The following SORL1 variants were observed in gnomAD, a reference collection of about 807,000 sequenced individuals.
SORL1 encodes sortilin related receptor 1.
In SORL1, 127 loss-of-function variants were observed where a neutral mutation model predicts 273.7. That is an observed-to-expected ratio of 0.46 (90% CI 0.40 to 0.54). The LOEUF is 0.54. Ranked by LOEUF, SORL1 falls within the 20% of genes least tolerant of loss-of-function variation. The probability of loss-of-function intolerance (pLI) is 0.00; values close to 1 mark genes in which losing one functional copy is unlikely to be tolerated. For synonymous variants in SORL1, 1,031 were observed against 1,067.4 expected, an observed-to-expected ratio of 0.97 and a Z score of 0.66; for missense variants, 2,494 against 2,846.1, an observed-to-expected ratio of 0.88 and a Z score of 2.81.
At chr11:121,586,705 C>T (rs117553325) in intron 27 of SORL1, among the ~76,000 whole-genome samples, 1 of 102,130 alleles carries the variant, frequency 9.8e-6, no homozygotes, top group Non-Finnish European at 1.9e-5. Context: ...GGGGGGGGGG[C>T]GGGGGGGGGG....
chr11:121,602,430 C>T (rs1863407269), intron 32 of SORL1, among the ~76,000 whole-genome samples: 1 of 152,228 alleles, frequency 6.6e-6, no homozygotes, highest in African/African-American at 2.4e-5. Flanking sequence ...CAGTGGAGAA[C>T]ACTTGTCAGA....
chr11:121,555,890 G>A (rs1291474710), intron 18 of SORL1, among the ~76,000 whole-genome samples: 1 of 152,154 alleles, frequency 6.6e-6, no homozygotes, highest in Non-Finnish European at 1.5e-5. Context: ...GGAATGTAGT[G>A]TGCTCAGCTC....
chr11:121,474,880 TG>T (rs943022212), intron 2 of SORL1, among the ~76,000 whole-genome samples: 7 of 152,242 alleles, frequency 4.6e-5, no homozygotes, highest in Non-Finnish European at 7.3e-5. Flanking sequence ...CTGTTCAATG[TG>T]GGGGAAGATA....
chr11:121,624,176 A>G (rs1325596171), intron 45 of SORL1, among the ~76,000 whole-genome samples: 3 of 152,242 alleles, frequency 2.0e-5, no homozygotes, highest in Non-Finnish European at 2.9e-5. Flanking sequence ...GCTAGAATTC[A>G]AGATGAGATT....
In SORL1 at chr11:121,586,326, T is replaced by C. The variant is rs763707983; in HGVS notation, c.3811T>C (p.Cys1271Arg). ...CTCTGATGGCTCCGATGAACAGCAC[T>C]GCGGTGAGTTCATTCCTTGCCCCCA... ...DCSDGSDEQH[C>R]EPLCTHFMDF... Residue 1271 changes from cysteine to arginine, a missense_variant, in exon 27 of 48, where the codon TGC (cysteine) becomes CGC (arginine). Cys to Arg is a radical substitution (Grantham distance 180). Transcript: ENST00000260197. The C allele has an allele frequency of 6.2e-7, 1 of 1,610,736 alleles. No individual in the cohort carries two copies. Among genetic ancestry groups the C allele is most frequent in the South Asian group, 1.1e-5 (1 of 91,026 alleles).
chr11:121,453,707 G>A (rs1860852799), intron 1 of SORL1, among the ~76,000 whole-genome samples: 1 of 152,222 alleles, frequency 6.6e-6, no homozygotes, highest in South Asian at 2.1e-4. Context: ...TTGGATCCAG[G>A]ACGAACCTTG....
intron 16 of SORL1, among the ~76,000 whole-genome samples, chr11:121,551,962 A>T (rs1211274584): frequency 6.6e-6 from 1 of 152,212 alleles, no homozygotes; most frequent in Non-Finnish European, 1.5e-5. Flanking sequence ...GAGGGGCTGG[A>T]GTGCCTACTT....
At chr11:121,551,645 C>T (rs1459834790) in intron 16 of SORL1, among the ~76,000 whole-genome samples, 2 of 152,134 alleles carry the variant, frequency 1.3e-5, no homozygotes, top group Admixed American at 6.5e-5. Context: ...TGGTGTCTTA[C>T]GTGGACAGCC....
chr11:121,538,521 C>T (rs1322620929), intron 12 of SORL1, among the ~76,000 whole-genome samples: 3 of 152,118 alleles, frequency 2.0e-5, no homozygotes, highest in Non-Finnish European at 4.4e-5. Context: ...AACTAAAATA[C>T]CTGAGATCCT....
At chr11:121,598,365 G>T (rs1863331635) in intron 32 of SORL1, among the ~76,000 whole-genome samples, 1 of 152,150 alleles carries the variant, frequency 6.6e-6, no homozygotes, top group Admixed American at 6.5e-5. Flanking sequence ...AAGAATGAGG[G>T]TTTTCCCCAG....
At chr11:121,592,520 A>G (rs1228593000) in intron 31 of SORL1, among the ~76,000 whole-genome samples, 2 of 152,156 alleles carry the variant, frequency 1.3e-5, no homozygotes, top group Admixed American at 6.5e-5. Flanking sequence ...AATGATTTCC[A>G]TCTCTTTTCC....
At chr11:121,587,690 G>A (rs1012520033) in intron 27 of SORL1, among the ~76,000 whole-genome samples, 2 of 152,156 alleles carry the variant, frequency 1.3e-5, no homozygotes, top group African/African-American at 4.8e-5. Flanking sequence ...GAGATTGGGG[G>A]TTTGATGCCA....
Position 121,563,702 on chromosome 11 carries a change from C to T in SORL1, c.3050-3238C>T, listed in dbSNP as rs770852212. Among the ~76,000 whole-genome samples the T allele has an allele frequency of 3.9e-5, 6 of 152,170 alleles. No homozygotes were observed. Among genetic ancestry groups the T allele is most frequent in the Admixed American group, 1.3e-4 (2 of 15,278 alleles). Reference sequence around the variant, plus strand: ...GTGAGCCACTGTGTCTGGCCACTAGCTGGTTTTTAAATGGTATAACTGGAA... The same window carrying T: ...GTGAGCCACTGTGTCTGGCCACTAGTTGGTTTTTAAATGGTATAACTGGAA... On this transcript the variant is annotated intron_variant, in intron 21 of 47. Transcript: ENST00000260197. The surrounding 1 kb of genome is among the most constrained non-coding windows in gnomAD (Gnocchi z 4.2).
Position 121,625,213 on chromosome 11 carries a change from A to G in SORL1, c.6300A>G (p.Arg2100=). The change falls in exon 46 of 48, where the codon AGA becomes AGG. Residue 2100 remains arginine (R), a synonymous_variant. Transcript: ENST00000260197. ...ATTACACGTTCACCGTCCAAGCAAG[A>G]TGCCTTTTTGGCAACCAGATCTGTG... is the stretch of plus-strand genomic sequence containing the variant. The part of the protein sequence containing the change: ...GHNYTFTVQA[R]CLFGNQICGE... The G allele has an allele frequency of 6.2e-7, 1 of 1,614,140 alleles. No homozygotes were observed. The highest frequency in any genetic ancestry group is 8.5e-7 in the Non-Finnish European group (1 of 1,180,010).
At chr11:121,559,757 C>CTT in intron 21 of SORL1, 100 bp downstream of exon 21, 1 of 1,073,908 alleles carries the variant, frequency 9.3e-7, no homozygotes, top group Non-Finnish European at 1.4e-6. Flanking sequence ...CAGCCTGCAT[C>CTT]TTTGTTGTCA....
At chr11:121,607,083 T>A (rs1863488363) in intron 36 of SORL1, 103 bp from the exon 37 acceptor site, 1 of 1,006,264 alleles carries the variant, frequency 9.9e-7, no homozygotes, top group Admixed American at 1.9e-5. Flanking sequence ...TCAGAACATT[T>A]TGCTCCTCAC....
Position 121,614,892 on chromosome 11 carries a change from C to T in SORL1, c.5441C>T (p.Thr1814Ile), listed in dbSNP as rs367544750. ...SHKVGNLTAHTSYEISAWAKT... is the reference protein window; with the variant it reads ...SHKVGNLTAHISYEISAWAKT... ...ACAGTTGGCAATCTGACAGCTCATA[C>T]ATCCTATGAGATTTCTGCCTGGGCC... Residue 1814 changes from threonine (T) to isoleucine (I), a missense_variant, in exon 41 of 48, where the codon ACA (threonine) becomes ATA (isoleucine). Thr to Ile is a moderately conservative substitution (Grantham distance 89). Transcript: ENST00000260197. The T allele has an allele frequency of 1.9e-6, 3 of 1,612,818 alleles. No individual in the cohort carries two copies. Among genetic ancestry groups the T allele is most frequent in the African/African-American group, 1.3e-5 (1 of 74,890 alleles).
chr11:121,513,110 TG>T lies in SORL1; in HGVS notation c.1041+10del. 6.3e-7 allele frequency: 1 copy of T among 1,590,498 alleles called. No homozygotes were observed. Among genetic ancestry groups the T allele is most frequent in the East Asian group, 2.2e-5 (1 of 44,768 alleles). On this transcript the variant is annotated splice_region_variant and intron_variant, in intron 7 of 47. Transcript: ENST00000260197. Reference sequence around the variant, plus strand: ...TCACAAGACATCCTATTAATGTGAGTGGGGTCTGCTTGAGGATGGGAAGAAG... The same window carrying T: ...TCACAAGACATCCTATTAATGTGAGTGGGTCTGCTTGAGGATGGGAAGAAG...
chr11:121,557,403 G>C lies in SORL1; in HGVS notation c.2661G>C (p.Glu887Asp). The C allele has an allele frequency of 6.2e-7, 1 of 1,612,120 alleles. No individual in the cohort carries two copies. ...RPRALVLVPQ[E>D]GVMFWTDWGD... ...GGGCTCTGGTCCTCGTGCCCCAAGA[G>C]GGGTAAGTGTTGCCCCAAAAGGAAA... The change falls in exon 19 of 48, where the codon GAG becomes GAC. Residue 887 changes from glutamate to aspartate, a missense_variant and splice_region_variant. Around this residue, in one of 3 missense-constraint regions of SORL1, gnomAD observed 1,609 missense variants for 1,816.4 expected, o/e 0.89. Coordinates refer to ENST00000260197, the MANE Select transcript of SORL1 (RefSeq NM_003105.6).
Sources: gnomAD v4.1 joint callset for allele counts (sites outside exome capture counted in the v4.1 genomes callset) on GRCh38, gnomAD v4.1.1 for gene constraint, gnomAD v4.1.1 regional missense constraint, Gnocchi (gnomAD v3.1) non-coding constraint, MANE v1.5 for transcripts, NCBI Gene and HGNC (gene_info 2026-07-23, HGNC 2026-07-21) for gene names.